GALNT11: variants seen among roughly 807,000 people sequenced by gnomAD.
The protein encoded by GALNT11 is UDP-GalNAc:polypeptide N-acetylgalactosaminyltransferase 11.
GALNT11 carries 47 observed loss-of-function variants against 72.7 expected under a neutral mutation model. That is an observed-to-expected ratio of 0.65 (90% CI 0.51 to 0.82). The LOEUF is 0.82. GALNT11 is among the 40% of genes least tolerant of loss of function. The pLI is 0.00. For synonymous variants in GALNT11, 270 were observed against 286.6 expected, an observed-to-expected ratio of 0.94 and a Z score of 0.58; for missense variants, 677 against 778.4, an observed-to-expected ratio of 0.87 and a Z score of 1.55.
chr7:152,044,105 C>T (rs1458824192), intron 1 of GALNT11, among the ~76,000 whole-genome samples: 1 of 152,180 alleles, frequency 6.6e-6, no homozygotes, highest in Non-Finnish European at 1.5e-5. Flanking sequence ...ATTAAAGACA[C>T]ACACACAGAA....
intron 1 of GALNT11, among the ~76,000 whole-genome samples, chr7:152,052,385 G>T (rs1012545363): frequency 6.6e-6 from 1 of 151,940 alleles, no homozygotes; most frequent in African/African-American, 2.4e-5. Context: ...TATTGTATAT[G>T]TATACACTAT....
intron 2 of GALNT11, among the ~76,000 whole-genome samples, chr7:152,095,939 C>G (rs969478078): frequency 3.3e-5 from 5 of 152,086 alleles, no homozygotes; most frequent in Non-Finnish European, 5.9e-5. Flanking sequence ...GGTACTAGAT[C>G]AACAGGCAAA....
chr7:152,048,876 T>TA (rs2152026411), intron 1 of GALNT11, among the ~76,000 whole-genome samples: 1 of 151,542 alleles, frequency 6.6e-6, no homozygotes, highest in Non-Finnish European at 1.5e-5. Context: ...AGTTCACTAA[T>TA]TCCTTCTTCT....
chr7:152,062,509 A>G (rs1405143970), intron 1 of GALNT11, among the ~76,000 whole-genome samples: 1 of 152,154 alleles, frequency 6.6e-6, no homozygotes, highest in Non-Finnish European at 1.5e-5. Flanking sequence ...TATGTTGAAT[A>G]GGAGTGGTGA....
chr7:152,105,421 G>T (rs769909878), intron 5 of GALNT11, 51 bp downstream of exon 5: 2 of 1,584,736 alleles, frequency 1.3e-6, no homozygotes, highest in African/African-American at 1.4e-5. Context: ...ACAAGGGCTC[G>T]AGCCTCAGCG....
At chr7:152,090,482 C>T (rs2085939613) in intron 1 of GALNT11, among the ~76,000 whole-genome samples, 1 of 152,192 alleles carries the variant, frequency 6.6e-6, no homozygotes, top group African/African-American at 2.4e-5. Context: ...TGTATTTTCA[C>T]TACTTAGGTT....
intron 1 of GALNT11, among the ~76,000 whole-genome samples, chr7:152,041,611 T>A (rs961801956): frequency 7.2e-5 from 11 of 152,350 alleles, no homozygotes; most frequent in African/African-American, 2.6e-4. Flanking sequence ...GAGTCTTCTC[T>A]GGATCTATTC....
intron 1 of GALNT11, among the ~76,000 whole-genome samples, chr7:152,027,227 T>A (rs1427753618): frequency 6.6e-6 from 1 of 152,188 alleles, no homozygotes; most frequent in Admixed American, 6.5e-5. Flanking sequence ...CCATCCTGGG[T>A]GACAGAGCGA....
intron 1 of GALNT11, among the ~76,000 whole-genome samples, chr7:152,062,901 A>G (rs187937194): frequency 1.3e-5 from 2 of 152,354 alleles, no homozygotes; most frequent in East Asian, 3.9e-4. Flanking sequence ...ATCGGTGTTC[A>G]TCAGGGATAT....
intron 3 of GALNT11, among the ~76,000 whole-genome samples, chr7:152,102,599 T>A (rs1026164455): frequency 2.6e-5 from 4 of 152,066 alleles, no homozygotes; most frequent in Non-Finnish European, 4.4e-5. Context: ...AGGGAGACAT[T>A]ATTAGCAAAA....
intron 1 of GALNT11, among the ~76,000 whole-genome samples, chr7:152,082,688 CT>C (rs2085389890): frequency 3.3e-5 from 5 of 152,176 alleles, no homozygotes. Flanking sequence ...ATAAATTTTG[CT>C]GCTAAGAGAA....
At chr7:152,073,989 T>G (rs1456783551) in intron 1 of GALNT11, among the ~76,000 whole-genome samples, 1 of 152,182 alleles carries the variant, frequency 6.6e-6, no homozygotes, top group Non-Finnish European at 1.5e-5. Flanking sequence ...TTTTTAAATC[T>G]GATTTTTTTT....
intron 2 of GALNT11, among the ~76,000 whole-genome samples, chr7:152,097,891 T>A (rs1473433713): frequency 6.6e-6 from 1 of 152,226 alleles, no homozygotes; most frequent in African/African-American, 2.4e-5. Flanking sequence ...TAGGGTTTTC[T>A]TCTGCGGTGC....
rs565866689 is a variant in GALNT11 at position 152,078,388 on chromosome 7, A to T, written c.-38-15802A>T. 3.3e-5 allele frequency among the ~76,000 whole-genome samples: 5 copies of T among 152,258 alleles called. No homozygotes were observed. The South Asian group carries it at 1.0e-3, about 32-fold the overall frequency. On this transcript the variant is annotated intron_variant, in intron 1 of 11. Coordinates refer to ENST00000430044, the MANE Select transcript of GALNT11 (RefSeq NM_022087.4). ...AGCAAATTTTGTATTTTTAATAGAG[A>T]CAGGGTTTCTCCATGTTGGTCAGGC... is the stretch of plus-strand genomic sequence containing the variant.
At chr7:152,099,332 A>T (rs1322716003) in intron 2 of GALNT11, among the ~76,000 whole-genome samples, 22 of 150,574 alleles carry the variant, frequency 1.5e-4, no homozygotes, top group Non-Finnish European at 2.9e-5. Context: ...ACTATTTTTT[A>T]AAAATGGACT....
intron 1 of GALNT11, among the ~76,000 whole-genome samples, chr7:152,046,729 G>A (rs767291255): frequency 1.3e-5 from 2 of 152,150 alleles, no homozygotes; most frequent in South Asian, 2.1e-4. Flanking sequence ...TGTTGGGTCT[G>A]CTTTTTTATC....
chr7:152,061,000 G>T (rs2083978549), intron 1 of GALNT11, among the ~76,000 whole-genome samples: 1 of 152,082 alleles, frequency 6.6e-6, no homozygotes, highest in African/African-American at 2.4e-5. Flanking sequence ...GTAATGGGAT[G>T]GCTGGGTCAA....
Position 152,113,246 on chromosome 7 carries a change from A to G in GALNT11, c.1081A>G (p.Ile361Val). Reference sequence around the variant, plus strand: ...AACACCTGTTTTTGCTTCTGGCCAGATCTGGATGTGTGGCGGTAAGCTCTT... The same window carrying G: ...AACACCTGTTTTTGCTTCTGGCCAGGTCTGGATGTGTGGCGGTAAGCTCTT... ...GGENLEISFRIWMCGGKLFII... is the reference protein window; with the variant it reads ...GGENLEISFRVWMCGGKLFII... Residue 361 changes from isoleucine to valine, a missense_variant and splice_region_variant, in exon 8 of 12, where the codon ATC becomes GTC. Ile to Val is a conservative substitution (Grantham distance 29). Coordinates refer to ENST00000430044, the MANE Select transcript of GALNT11 (RefSeq NM_022087.4). 1 of 1,612,108 alleles carries G rather than the reference A, an allele frequency of 6.2e-7. No homozygotes were observed. The highest frequency in any genetic ancestry group is 8.5e-7 in the Non-Finnish European group (1 of 1,179,082).
chr7:152,028,637 TC>T (rs1490905411), intron 1 of GALNT11, among the ~76,000 whole-genome samples: 1 of 151,928 alleles, frequency 6.6e-6, no homozygotes, highest in Non-Finnish European at 1.5e-5. Context: ...GTTCTCCAAG[TC>T]CCCACCCGAC....
Sources: gnomAD v4.1 joint callset for allele counts (sites outside exome capture counted in the v4.1 genomes callset) on GRCh38, gnomAD v4.1.1 for gene constraint, MANE v1.5 for transcripts, NCBI Gene and HGNC (gene_info 2026-07-23, HGNC 2026-07-21) for gene names.